The following ASPRV1 variants were observed in gnomAD, a reference collection of about 807,000 sequenced individuals.
ASPRV1 encodes the protein aspartic peptidase retroviral like 1, also known as retroviral-like aspartic protease 1.
Under a neutral mutation model 11.0 loss-of-function variants are expected in ASPRV1, and 7 were observed. The ratio of observed to expected loss-of-function variants is 0.64; its 90% CI spans 0.36 to 1.20. The LOEUF is 1.20. Ranked by LOEUF, ASPRV1 falls within the 50% of genes most tolerant of loss-of-function variation. The probability of loss-of-function intolerance (pLI) is 0.02; values close to 1 mark genes in which losing one functional copy is unlikely to be tolerated. For synonymous variants in ASPRV1, 136 were observed against 138.4 expected, an observed-to-expected ratio of 0.98 and a Z score of 0.12; for missense variants, 299 against 320.0, an observed-to-expected ratio of 0.93 and a Z score of 0.50.
At chr2:69,946,833 A>G in the ASPRV1 span, among the ~76,000 whole-genome samples, 3 of 152,128 alleles carry the variant, frequency 2.0e-5, no homozygotes, top group African/African-American at 7.2e-5. Context: ...TCCAGGTAGT[A>G]TCTCACCTAT....
the ASPRV1 span, among the ~76,000 whole-genome samples, chr2:70,010,639 T>C: frequency 1.3e-5 from 2 of 152,114 alleles, no homozygotes; most frequent in Admixed American, 1.3e-4. Context: ...ATGATCAAAC[T>C]TTCCAGTAAC....
chr2:69,949,286 T>C, the ASPRV1 span, among the ~76,000 whole-genome samples: 7 of 148,884 alleles, frequency 4.7e-5, no homozygotes, highest in Non-Finnish European at 1.0e-4. Flanking sequence ...AATGAATGAA[T>C]GAACGAATGA....
chr2:69,947,682 G>A, the ASPRV1 span, among the ~76,000 whole-genome samples: 1 of 152,314 alleles, frequency 6.6e-6, no homozygotes, highest in African/African-American at 2.4e-5. Flanking sequence ...GCAGACGGAA[G>A]TGAGGTTGAC....
At chr2:70,037,353 T>C in the ASPRV1 span, among the ~76,000 whole-genome samples, 40 of 152,162 alleles carry the variant, frequency 2.6e-4, no homozygotes, top group Admixed American at 2.6e-3. Context: ...GGCATGAGTC[T>C]TGCTCTGTCA....
At chr2:69,949,278 TGAATGAATGAAC>T in the ASPRV1 span, among the ~76,000 whole-genome samples, 1 of 152,106 alleles carries the variant, frequency 6.6e-6, no homozygotes, top group Non-Finnish European at 1.5e-5. Flanking sequence ...AATGAATGAA[TGAATGAATGAAC>T]GAATGAACGA....
chr2:70,064,389 T>C, the ASPRV1 span, among the ~76,000 whole-genome samples: 1 of 152,070 alleles, frequency 6.6e-6, no homozygotes, highest in East Asian at 1.9e-4. Context: ...AACATAAGCT[T>C]ACAGTCTAGT....
At chr2:70,071,982 C>T in the ASPRV1 span, among the ~76,000 whole-genome samples, 126 of 151,360 alleles carry the variant, frequency 8.3e-4, 6 homozygotes, top group East Asian at 0.017. Context: ...GAAAGAGTCT[C>T]GCTCTATTGC....
At chr2:70,059,796 G>A in the ASPRV1 span, 2,388 of 152,458 alleles carry the variant, frequency 0.016, 26 homozygotes, top group Middle Eastern at 0.027. Flanking sequence ...CCACTCCTAT[G>A]AGAATCTAAT....
the ASPRV1 span, among the ~76,000 whole-genome samples, chr2:69,934,817 T>A: frequency 2.0e-5 from 3 of 152,246 alleles, no homozygotes; most frequent in Non-Finnish European, 2.9e-5. Context: ...GGATGTAGCA[T>A]AATTTATTTA....
the ASPRV1 span, among the ~76,000 whole-genome samples, chr2:70,023,440 ACT>A: frequency 1.5e-3 from 234 of 152,122 alleles, 1 homozygote; most frequent in African/African-American, 5.4e-3. Flanking sequence ...TCCATTGGGC[ACT>A]CTCTCTCTGC....
the ASPRV1 span, among the ~76,000 whole-genome samples, chr2:69,944,815 A>C: frequency 4.6e-5 from 7 of 151,604 alleles, no homozygotes; most frequent in East Asian, 3.9e-4. Flanking sequence ...CCCCTCCTCT[A>C]CTGCTGATCC....
chr2:69,936,578 CTATT>C, the ASPRV1 span, among the ~76,000 whole-genome samples: 2 of 152,160 alleles, frequency 1.3e-5, no homozygotes, highest in Non-Finnish European at 2.9e-5. Context: ...GAGAAAACCT[CTATT>C]TAAAGCAAAA....
chr2:69,999,990 C>T, the ASPRV1 span, among the ~76,000 whole-genome samples: 2 of 152,204 alleles, frequency 1.3e-5, no homozygotes, highest in East Asian at 1.9e-4. Flanking sequence ...GCCCCACCTT[C>T]GGCCTCATCC....
At chr2:69,974,559 T>TTGGG in the ASPRV1 span, among the ~76,000 whole-genome samples, 1 of 152,210 alleles carries the variant, frequency 6.6e-6, no homozygotes, top group African/African-American at 2.4e-5. Flanking sequence ...CAAGCCCAGC[T>TTGGG]CTTCCTTGAG....
the ASPRV1 span, among the ~76,000 whole-genome samples, chr2:70,048,107 CAAAA>C: frequency 3.1e-5 from 1 of 32,492 alleles, no homozygotes; most frequent in Non-Finnish European, 6.2e-5. Context: ...GACTCCATCT[CAAAA>C]AAAAAAAAAA....
At chr2:69,974,474 T>C in the ASPRV1 span, among the ~76,000 whole-genome samples, 1 of 152,242 alleles carries the variant, frequency 6.6e-6, no homozygotes, top group Non-Finnish European at 1.5e-5. Flanking sequence ...TAACCATTGG[T>C]TCATGAAATT....
the ASPRV1 span, among the ~76,000 whole-genome samples, chr2:70,035,298 C>T: frequency 6.6e-6 from 1 of 152,224 alleles, no homozygotes; most frequent in Admixed American, 6.5e-5. Context: ...ACCAGCTTAC[C>T]AGTTCTGAAA....
the ASPRV1 span, among the ~76,000 whole-genome samples, chr2:70,068,946 C>CAAAAAAA: frequency 4.9e-4 from 29 of 59,056 alleles, 1 homozygote; most frequent in Non-Finnish European, 8.8e-4. Flanking sequence ...ACTCTTGTCT[C>CAAAAAAA]AAAAAAAAAA....
the ASPRV1 span, among the ~76,000 whole-genome samples, chr2:69,949,162 G>A: frequency 6.6e-6 from 1 of 152,060 alleles, no homozygotes; most frequent in Non-Finnish European, 1.5e-5. Context: ...GACCTCTGCC[G>A]GAGCAGACCC....
Sources: allele counts gnomAD v4.1 joint callset (sites outside exome capture counted in the v4.1 genomes callset), GRCh38; gene constraint gnomAD v4.1.1; transcripts MANE v1.5; gene names NCBI Gene and HGNC (gene_info 2026-07-23, HGNC 2026-07-21).